MATN2: variants seen among roughly 807,000 people sequenced by gnomAD.
MATN2 encodes the protein matrilin-2.
MATN2 carries 69 observed loss-of-function variants against 103.2 expected under a neutral mutation model. The observed-to-expected ratio is 0.67, with a 90% CI of 0.55 to 0.82. The LOEUF is 0.82. MATN2 is among the 40% of genes least tolerant of loss of function. MATN2 has a pLI of 0.00. For missense variants in MATN2, 1,023 were observed against 1,211.5 expected (o/e 0.84, Z 2.31); for synonymous variants, 429 against 450.2 (o/e 0.95, Z 0.60).
At chr8:97,917,871 G>A (rs1809686113) in intron 2 of MATN2, among the ~76,000 whole-genome samples, 1 of 152,112 alleles carries the variant, frequency 6.6e-6, no homozygotes, top group African/African-American at 2.4e-5. Context: ...GATTGTCTGA[G>A]CTCAGGAGTT....
intron 1 of MATN2, among the ~76,000 whole-genome samples, chr8:97,876,026 CT>C (rs1563638631): frequency 6.9e-6 from 1 of 144,894 alleles, no homozygotes; most frequent in Admixed American, 6.9e-5. Flanking sequence ...GCAAACTTCT[CT>C]TTTTTTCTTT....
intron 2 of MATN2, among the ~76,000 whole-genome samples, chr8:97,904,640 T>C (rs1819101392): frequency 6.6e-6 from 1 of 152,248 alleles, no homozygotes; most frequent in Non-Finnish European, 1.5e-5. Context: ...TTATCTCTTT[T>C]GTCTTCTCAA....
chr8:97,931,288 A>T lies in MATN2; in HGVS notation c.478A>T (p.Asn160Tyr), dbSNP rs1162277167. 2.5e-6 allele frequency: 4 copies of T among 1,613,940 alleles called. No homozygotes were observed. The highest frequency in any genetic ancestry group is 3.4e-6 in the Non-Finnish European group (4 of 1,179,884). The part of the protein sequence containing the change: ...EAEGARPLRE[N>Y]VPRVIMIVTD... ...AGAGGGGGCCCGGCCCCTGAGGGAG[A>T]ATGTGCCACGGGTCATAATGATCGT... is the stretch of plus-strand genomic sequence containing the variant. The change falls in exon 3 of 19, where the codon AAT (asparagine) becomes TAT (tyrosine). Residue 160 changes from asparagine to tyrosine, a missense_variant. Coordinates refer to ENST00000254898, the MANE Select transcript of MATN2 (RefSeq NM_002380.5). This position sits in a 1 kb window ranked among gnomAD's most constrained non-coding sequence, Gnocchi z 4.1.
At chr8:97,916,270 A>G (rs934927793) in intron 2 of MATN2, among the ~76,000 whole-genome samples, 6 of 152,074 alleles carry the variant, frequency 3.9e-5, no homozygotes, top group Admixed American at 1.3e-4. Flanking sequence ...GGGTTTCGCC[A>G]TGTTGGCCAG....
chr8:98,031,590 C>T (rs1316279316), intron 15 of MATN2: 2 of 152,216 alleles, frequency 1.3e-5, no homozygotes, highest in African/African-American at 4.8e-5. Context: ...GTACCTAGTT[C>T]TTCCAAGCCC....
intron 10 of MATN2, among the ~76,000 whole-genome samples, chr8:98,014,117 A>G (rs2130408782): frequency 6.6e-6 from 1 of 152,078 alleles, no homozygotes; most frequent in Non-Finnish European, 1.5e-5. Context: ...CAAAAAAAAG[A>G]AAAAAAAGAG....
intron 2 of MATN2, among the ~76,000 whole-genome samples, chr8:97,919,997 G>T (rs144576597): frequency 6.6e-6 from 1 of 152,174 alleles, no homozygotes; most frequent in Non-Finnish European, 1.5e-5. Context: ...CAGAGAGGGC[G>T]CTGTGTAGGG....
intron 10 of MATN2, among the ~76,000 whole-genome samples, chr8:98,008,869 T>A (rs966525892): frequency 6.6e-6 from 1 of 152,224 alleles, no homozygotes; most frequent in Non-Finnish European, 1.5e-5. Flanking sequence ...GACTACAAGA[T>A]GGTTGTAGGA....
intron 2 of MATN2, among the ~76,000 whole-genome samples, chr8:97,906,300 G>T (rs1264204474): frequency 6.6e-6 from 1 of 152,182 alleles, no homozygotes; most frequent in Non-Finnish European, 1.5e-5. Flanking sequence ...GGCTTCTCCA[G>T]ACTGCCATGG....
intron 2 of MATN2, among the ~76,000 whole-genome samples, chr8:97,918,212 C>T (rs1034153129): frequency 4.6e-5 from 7 of 152,186 alleles, no homozygotes; most frequent in South Asian, 2.1e-4. Flanking sequence ...TTGTGCCTAT[C>T]GAATAATAAT....
At chr8:97,879,039 A>G (rs1187769466) in intron 1 of MATN2, among the ~76,000 whole-genome samples, 1 of 152,214 alleles carries the variant, frequency 6.6e-6, no homozygotes, top group Non-Finnish European at 1.5e-5. Context: ...TGTTCAAATT[A>G]ATAATTTTAA....
chr8:97,876,189 T>A (rs1369349138), intron 1 of MATN2, among the ~76,000 whole-genome samples: 2 of 143,748 alleles, frequency 1.4e-5, no homozygotes, highest in Admixed American at 1.4e-4. Flanking sequence ...TTATTGTATT[T>A]TTTTTTTTTT....
Position 97,961,419 on chromosome 8 carries a change from T to C in MATN2, c.847T>C (p.Cys283Arg), listed in dbSNP as rs763859504. ...DQTTCRIQDL[C>R]AMEDHNCEQL... ...TGACTTTGCCTCAGTCCAGGATCTG[T>C]GTGCCATGGAGGACCACAACTGTGA... Residue 283 changes from cysteine (C) to arginine (R), a missense_variant, in exon 5 of 19, where the codon TGT becomes CGT. Transcript: ENST00000254898. 1.2e-6 allele frequency: 2 copies of C among 1,612,966 alleles called. No homozygotes were observed. Among genetic ancestry groups the C allele is most frequent in the African/African-American group, 1.3e-5 (1 of 74,884 alleles).
intron 13 of MATN2, among the ~76,000 whole-genome samples, chr8:98,022,828 CTG>C (rs1157596901): frequency 6.6e-6 from 1 of 152,226 alleles, no homozygotes; most frequent in Non-Finnish European, 1.5e-5. Flanking sequence ...TGGCTAACGC[CTG>C]TAATCCCAGC....
chr8:97,894,824 C>T (rs1326531220), intron 2 of MATN2, among the ~76,000 whole-genome samples: 1 of 152,006 alleles, frequency 6.6e-6, no homozygotes, highest in Non-Finnish European at 1.5e-5. Flanking sequence ...GTAAGCATGG[C>T]CTGCTCTGTG....
chr8:97,999,286 G>A (rs1812704736), intron 7 of MATN2, among the ~76,000 whole-genome samples: 1 of 152,122 alleles, frequency 6.6e-6, no homozygotes, highest in African/African-American at 2.4e-5. Context: ...ATTTATTAAT[G>A]CAGCTATGAA....
At chr8:98,013,107 T>C (rs1242270200) in intron 10 of MATN2, among the ~76,000 whole-genome samples, 1 of 152,200 alleles carries the variant, frequency 6.6e-6, no homozygotes, top group Non-Finnish European at 1.5e-5. Context: ...CATTTTCCTA[T>C]AGGGGAGTAT....
In MATN2 at chr8:97,888,176, C is replaced by A; in HGVS notation, c.76C>A (p.Arg26=). 1 of 1,604,560 alleles carries A rather than the reference C, an allele frequency of 6.2e-7. No individual in the cohort carries two copies. Among genetic ancestry groups the A allele is most frequent in the Non-Finnish European group, 8.5e-7 (1 of 1,174,294 alleles). Residue 26 remains arginine (R), a synonymous_variant, in exon 2 of 19, where the codon CGG becomes AGG. Transcript: ENST00000254898. The stretch of plus-strand genomic sequence containing the variant: ...CCTCCTCCCTGCCGAGGCCAGGGAG[C>A]GGTCACGTGGGAGGTCCATCTCTAG... ...IVLLPAEARE[R]SRGRSISRGR... is the part of the protein sequence containing the mutation.
intron 7 of MATN2, among the ~76,000 whole-genome samples, chr8:97,995,361 A>G (rs901232395): frequency 6.6e-6 from 1 of 152,260 alleles, no homozygotes; most frequent in African/African-American, 2.4e-5. Flanking sequence ...TCTATGATGT[A>G]TCATCCTGGA....
Sources: gnomAD v4.1 joint callset for allele counts (sites outside exome capture counted in the v4.1 genomes callset) on GRCh38, gnomAD v4.1.1 for gene constraint, Gnocchi (gnomAD v3.1) non-coding constraint, MANE v1.5 for transcripts, NCBI Gene and HGNC (gene_info 2026-07-23, HGNC 2026-07-21) for gene names.